Variants in BIRC6 observed in about 807,000 individuals in gnomAD.
BIRC6 encodes the protein baculoviral IAP repeat containing 6, also known as dual E2 ubiquitin-conjugating enzyme/E3 ubiquitin-protein ligase BIRC6.
A neutral mutation model predicts 503.3 loss-of-function variants in BIRC6; 98 were observed. The observed-to-expected ratio is 0.19, with a 90% confidence interval of 0.17 to 0.23. BIRC6 has a LOEUF of 0.23. Among genes scored for constraint, BIRC6 ranks in the 10% least tolerant of loss-of-function variants. BIRC6 has a pLI of 1.00. For missense variants in BIRC6, 5,360 were observed against 5,806.0 expected, an observed-to-expected ratio of 0.92 and a Z score of 2.50; for synonymous variants, 2,240 against 2,078.7, an observed-to-expected ratio of 1.08 and a Z score of -2.11.
chr2:32,470,070 TC>T (rs2048955089), intron 30 of BIRC6, 97 bp from the exon 31 acceptor site: 1 of 1,053,620 alleles, frequency 9.5e-7, no homozygotes, highest in Admixed American at 3.6e-5. Context: ...AAGCAAATAT[TC>T]TATCATTACT....
At chr2:32,615,581 ATGT>A (rs1226640255) in intron 73 of BIRC6, among the ~76,000 whole-genome samples, 1 of 152,104 alleles carries the variant, frequency 6.6e-6, no homozygotes, top group Non-Finnish European at 1.5e-5. Context: ...CTGTAAATAA[ATGT>A]TGTTTAATTT....
At chr2:32,502,734 T>C (rs1572659490) in intron 47 of BIRC6, 61 bp from the exon 48 acceptor site, 1 of 1,274,228 alleles carries the variant, frequency 7.8e-7, no homozygotes, top group East Asian at 2.4e-5. Context: ...TTACATGCAT[T>C]GAGTTTAGTT....
At chr2:32,442,037 A>G in intron 17 of BIRC6, 28 bp from the exon 18 acceptor site, 1 of 1,466,218 alleles carries the variant, frequency 6.8e-7, no homozygotes, top group South Asian at 1.5e-5. Flanking sequence ...TTTGTTTGGT[A>G]ATGTGTTTAT....
intron 37 of BIRC6, 77 bp from the exon 38 acceptor site, chr2:32,481,239 CTTTT>C (rs922501527): frequency 1.8e-5 from 23 of 1,255,926 alleles, no homozygotes; most frequent in South Asian, 1.1e-4. Context: ...AGTAAAATAA[CTTTT>C]TTTAACTAAA....
At chr2:32,453,963 C>T (rs533089117) in intron 23 of BIRC6, 21 bp downstream of exon 23, 47 of 1,583,198 alleles carry the variant, frequency 3.0e-5, no homozygotes, top group Non-Finnish European at 3.9e-5. Context: ...TGGTATATAC[C>T]TTCTTTTATT....
At chr2:32,587,154 T>C (rs1018460431) in intron 66 of BIRC6, among the ~76,000 whole-genome samples, 1 of 152,332 alleles carries the variant, frequency 6.6e-6, no homozygotes, top group African/African-American at 2.4e-5. Flanking sequence ...TTTGGGAGGC[T>C]GTGGCACACA....
intron 66 of BIRC6, among the ~76,000 whole-genome samples, chr2:32,577,262 A>G (rs1184255099): frequency 1.3e-5 from 2 of 152,142 alleles, no homozygotes; most frequent in African/African-American, 4.8e-5. Context: ...TGAAACTGCC[A>G]TCATGTCTTT....
At chr2:32,495,701 A>AAGTCACAC (rs2052358051) in intron 45 of BIRC6, among the ~76,000 whole-genome samples, 1 of 151,892 alleles carries the variant, frequency 6.6e-6, no homozygotes, top group African/African-American at 2.4e-5. Context: ...TCCTCACACA[A>AAGTCACAC]AGTCACACAG....
intron 10 of BIRC6, among the ~76,000 whole-genome samples, chr2:32,416,960 C>T (rs1285895306): frequency 6.6e-6 from 1 of 152,018 alleles, no homozygotes; most frequent in East Asian, 1.9e-4. Context: ...CTCAGCCTCC[C>T]AAGTAGCTGG....
At chr2:32,460,439 G>A (rs941205038) in intron 23 of BIRC6, among the ~76,000 whole-genome samples, 1 of 150,880 alleles carries the variant, frequency 6.6e-6, no homozygotes, top group African/African-American at 2.4e-5. Context: ...ACCACACCCA[G>A]CTAATTTTTG....
chr2:32,488,282 T>C (rs2051251080), intron 41 of BIRC6, among the ~76,000 whole-genome samples: 1 of 151,950 alleles, frequency 6.6e-6, no homozygotes, highest in Admixed American at 6.6e-5. Flanking sequence ...GTTCAAGATA[T>C]AGCAGACCTT....
intron 1 of BIRC6, among the ~76,000 whole-genome samples, chr2:32,362,676 A>G (rs961266988): frequency 6.6e-6 from 1 of 152,094 alleles, no homozygotes; most frequent in African/African-American, 2.4e-5. Flanking sequence ...TGTTCATATT[A>G]CTAGATATGT....
In BIRC6 at chr2:32,515,231, G is replaced by C. The variant is rs369960712; in HGVS notation, c.10810G>C (p.Ala3604Pro). ...CTCTAAAAATGCACAAGCACCTCTC[G>C]CATTAACTGAATCACATTTGGCTAC... The part of the protein sequence containing the change: ...DDSKNAQAPL[A>P]LTESHLATLA... The change falls in exon 55 of 74, where the codon GCA becomes CCA. Residue 3604 changes from alanine (A) to proline (P), a missense_variant. By Grantham distance (27) the Ala-to-Pro change is conservative. Around this residue, in one of 16 missense-constraint regions of BIRC6, gnomAD observed 878 missense variants for 928.9 expected, o/e 0.95. Coordinates refer to ENST00000421745, the MANE Select transcript of BIRC6 (RefSeq NM_016252.4). 2.5e-6 allele frequency: 4 copies of C among 1,613,632 alleles called. No homozygotes were observed. The highest frequency in any genetic ancestry group is 1.3e-5 in the African/African-American group (1 of 74,896).
Position 32,433,641 on chromosome 2 carries a change from C to T in BIRC6, c.3249-3C>T. 6.5e-7 allele frequency: 1 copy of T among 1,533,774 alleles called. No individual in the cohort carries two copies. ...ATTTAGCATTTTTCCCCTTATTTGA[C>T]AGCAACAGCTGGGATGAACATGTAT... On this transcript the variant is annotated splice_region_variant and splice_polypyrimidine_tract_variant and intron_variant, in intron 12 of 73. Coordinates refer to ENST00000421745, the MANE Select transcript of BIRC6 (RefSeq NM_016252.4).
chr2:32,495,295 G>A (rs1186168240), intron 45 of BIRC6, among the ~76,000 whole-genome samples: 1 of 152,100 alleles, frequency 6.6e-6, no homozygotes, highest in Non-Finnish European at 1.5e-5. Flanking sequence ...AACTGTTTAG[G>A]AATTTTCTCC....
intron 10 of BIRC6, among the ~76,000 whole-genome samples, chr2:32,417,639 A>C (rs999881586): frequency 2.0e-5 from 3 of 152,216 alleles, no homozygotes; most frequent in African/African-American, 7.2e-5. Context: ...TTACGCATGC[A>C]TCTCATCTGT....
chr2:32,378,454 A>T (rs1390214868), intron 2 of BIRC6, among the ~76,000 whole-genome samples: 2 of 151,594 alleles, frequency 1.3e-5, no homozygotes, highest in Non-Finnish European at 2.9e-5. Flanking sequence ...GTAAAACAGC[A>T]GTAATTTTTT....
chr2:32,418,464 C>T (rs2042607318), intron 10 of BIRC6, among the ~76,000 whole-genome samples: 1 of 152,164 alleles, frequency 6.6e-6, no homozygotes, highest in Admixed American at 6.5e-5. Flanking sequence ...AGTCTTCCAT[C>T]AGAGCACTTT....
chr2:32,507,509 C>T (rs112169557), intron 50 of BIRC6, among the ~76,000 whole-genome samples: 1 of 152,116 alleles, frequency 6.6e-6, no homozygotes, highest in Non-Finnish European at 1.5e-5. Flanking sequence ...TTAAAAAAAT[C>T]ACAATCTAGT....
Sources: allele counts gnomAD v4.1 joint callset (sites outside exome capture counted in the v4.1 genomes callset), GRCh38; gene constraint gnomAD v4.1.1; regional missense constraint gnomAD v4.1.1; transcripts MANE v1.5; gene names NCBI Gene and HGNC (gene_info 2026-07-23, HGNC 2026-07-21).